The following NLRP12 variants were observed in gnomAD, a reference collection of about 807,000 sequenced individuals.
NLRP12 encodes NACHT, LRR and PYD domains-containing protein 12.
In NLRP12, 108 loss-of-function variants were observed where a neutral mutation model predicts 91.2. The ratio of observed to expected loss-of-function variants is 1.18; its 90% CI spans 1.01 to 1.39. The LOEUF is 1.39. Ranked by LOEUF, NLRP12 falls within the 40% of genes most tolerant of loss-of-function variation. The probability of loss-of-function intolerance (pLI) is 0.00; values close to 1 mark genes in which losing one functional copy is unlikely to be tolerated. For missense variants in NLRP12, 1,530 were observed against 1,352.7 expected (o/e 1.13, Z -2.06); for synonymous variants, 613 against 566.7 (o/e 1.08, Z -1.16).
At chr19:53,822,989 A>G (rs1369433451) in intron 1 of NLRP12, among the ~76,000 whole-genome samples, 1 of 151,354 alleles carries the variant, frequency 6.6e-6, no homozygotes, top group Non-Finnish European at 1.5e-5. Flanking sequence ...ACTGATCTCG[A>G]ATTCCTGACC....
intron 5 of NLRP12, among the ~76,000 whole-genome samples, chr19:53,804,398 T>C (rs1318054147): frequency 1.4e-5 from 1 of 71,198 alleles, no homozygotes; most frequent in Non-Finnish European, 4.3e-5. Context: ...TTTGGGTTTT[T>C]TTGTTTTTTT....
At chr19:53,802,648 A>G (rs1484963560) in intron 6 of NLRP12, among the ~76,000 whole-genome samples, 2 of 151,580 alleles carry the variant, frequency 1.3e-5, no homozygotes, top group African/African-American at 4.8e-5. Flanking sequence ...CGGAGCTTGC[A>G]GTGAGCAGAG....
In NLRP12 at chr19:53,810,600, C is replaced by G; in HGVS notation, c.1059G>C (p.Leu353=). ...TCTCCACATGCCTGGGGTGCTCCAG[C>G]AGACGGTGGAGCTTCTCCAAAGCCG... is the stretch of plus-strand genomic sequence containing the variant. ...RPTALEKLHR[L]LEHPRHVEIL... The change falls in exon 3 of 10, where the codon CTG becomes CTC. Residue 353 remains leucine, a synonymous_variant. Coordinates refer to ENST00000324134, the MANE Select transcript of NLRP12 (RefSeq NM_144687.4). 1.9e-6 allele frequency: 3 copies of G among 1,614,078 alleles called. No individual in the cohort carries two copies. The highest frequency in any genetic ancestry group is 2.5e-6 in the Non-Finnish European group (3 of 1,180,016).
chr19:53,806,468 G>C (rs1476834306), intron 4 of NLRP12, among the ~76,000 whole-genome samples: 4 of 151,600 alleles, frequency 2.6e-5, no homozygotes, highest in African/African-American at 9.7e-5. Context: ...GGATCACGAG[G>C]TTAGAGATTG....
intron 1 of NLRP12, among the ~76,000 whole-genome samples, chr19:53,815,934 ATTT>A (rs576400966): frequency 1.5e-5 from 2 of 135,498 alleles, no homozygotes; most frequent in Non-Finnish European, 1.6e-5. Flanking sequence ...AAATATTTTA[ATTT>A]TTTTTTTTTT....
intron 5 of NLRP12, 50 bp from the exon 6 acceptor site, chr19:53,804,172 C>T (rs766022180): frequency 1.1e-5 from 17 of 1,581,740 alleles, no homozygotes; most frequent in South Asian, 7.8e-5. Context: ...TTTTCTATGT[C>T]GTGATCACTC....
intron 3 of NLRP12, 43 bp from the exon 4 acceptor site, chr19:53,807,708 C>T (rs766692995): frequency 2.5e-6 from 4 of 1,605,540 alleles, no homozygotes; most frequent in Non-Finnish European, 2.6e-6. Context: ...GTTACTGGTG[C>T]TTGACAACTA....
At chr19:53,796,113 C>T (rs545472616) in intron 8 of NLRP12, 84 bp from the exon 9 acceptor site, 2 of 1,343,004 alleles carry the variant, frequency 1.5e-6, no homozygotes, top group African/African-American at 2.9e-5. Context: ...GTCTCCCAGG[C>T]TGGAGTACAG....
intron 7 of NLRP12, among the ~76,000 whole-genome samples, chr19:53,800,705 C>T (rs147831643): frequency 2.6e-5 from 4 of 152,010 alleles, no homozygotes; most frequent in East Asian, 1.9e-4. Flanking sequence ...GCCTCAGCCT[C>T]GCGAGTAGCT....
intron 1 of NLRP12, among the ~76,000 whole-genome samples, chr19:53,823,469 A>ATAT (rs1555800018): frequency 1.8e-4 from 19 of 106,606 alleles, no homozygotes; most frequent in Admixed American, 5.4e-4. Flanking sequence ...TTAAATATAT[A>ATAT]TTTAAAATAT....
chr19:53,799,010 ATTTT>A (rs34728764), intron 7 of NLRP12, among the ~76,000 whole-genome samples: 4 of 119,606 alleles, frequency 3.3e-5, no homozygotes, highest in Non-Finnish European at 3.4e-5. Context: ...CTATCTACAA[ATTTT>A]TTTTTTTTTT....
intron 8 of NLRP12, 141 bp from the exon 9 acceptor site, chr19:53,796,170 G>A (rs779216186): frequency 1.1e-5 from 8 of 759,104 alleles, no homozygotes; most frequent in African/African-American, 1.7e-5. Flanking sequence ...AGGTTCAAGC[G>A]ATTCTCCTGC....
intron 3 of NLRP12, 75 bp downstream of exon 3, chr19:53,809,512 C>T: frequency 9.4e-7 from 1 of 1,063,128 alleles, no homozygotes; most frequent in Admixed American, 3.0e-5. Context: ...GCCTAGGCAA[C>T]AGAGCAAAAA....
chr19:53,799,030 T>TTTG, intron 7 of NLRP12, among the ~76,000 whole-genome samples: 1 of 146,912 alleles, frequency 6.8e-6, no homozygotes, highest in South Asian at 2.2e-4. Flanking sequence ...TTTTTTTTTT[T>TTTG]GAGACAGAGT....
At chr19:53,819,660 C>CACGTATATATATGT (rs1568696771) in intron 1 of NLRP12, among the ~76,000 whole-genome samples, 11 of 21,148 alleles carry the variant, frequency 5.2e-4, no homozygotes, top group African/African-American at 1.1e-3. Flanking sequence ...TATATATACA[C>CACGTATATATATGT]ATGTATACAT....
chr19:53,800,090 GGA>G (rs1204666694), intron 7 of NLRP12, among the ~76,000 whole-genome samples: 3 of 152,066 alleles, frequency 2.0e-5, no homozygotes, highest in Admixed American at 2.0e-4. Flanking sequence ...CATGAGGTCA[GGA>G]GAGAGAGACC....
Position 53,798,225 on chromosome 19 carries a change from T to C in NLRP12, c.2927+18A>G. On this transcript the variant is annotated intron_variant, in intron 8 of 9. Coordinates refer to ENST00000324134, the MANE Select transcript of NLRP12 (RefSeq NM_144687.4). ...TCCAAACGTGACCACTGCCACCCCGTCACTCCCCGATGCTCACCACAGTTT... is the reference window on the plus strand; with the variant it reads ...TCCAAACGTGACCACTGCCACCCCGCCACTCCCCGATGCTCACCACAGTTT... The C allele has an allele frequency of 6.2e-7, 1 of 1,614,076 alleles. No individual in the cohort carries two copies. Among genetic ancestry groups the C allele is most frequent in the Non-Finnish European group, 8.5e-7 (1 of 1,179,966 alleles).
At chr19:53,804,363 T>G (rs370663311) in intron 5 of NLRP12, among the ~76,000 whole-genome samples, 33 of 151,222 alleles carry the variant, frequency 2.2e-4, no homozygotes, top group African/African-American at 5.6e-4. Context: ...GCCTAATTTT[T>G]TTTGTTTGTT....
intron 1 of NLRP12, among the ~76,000 whole-genome samples, chr19:53,815,858 A>G (rs1048289499): frequency 6.9e-6 from 1 of 144,510 alleles, no homozygotes; most frequent in African/African-American, 2.6e-5. Context: ...GATCCACCCA[A>G]CTCGGCCTCC....
Sources: allele counts gnomAD v4.1 joint callset (sites outside exome capture counted in the v4.1 genomes callset), GRCh38; gene constraint gnomAD v4.1.1; transcripts MANE v1.5; gene names NCBI Gene and HGNC (gene_info 2026-07-23, HGNC 2026-07-21).